ZFYVE26: variants seen among roughly 807,000 people sequenced by gnomAD.
ZFYVE26 encodes zinc finger FYVE domain-containing protein 26.
ZFYVE26 carries 181 observed loss-of-function variants against 276.5 expected under a neutral mutation model. The observed-to-expected ratio is 0.65, with a 90% CI of 0.58 to 0.74. ZFYVE26 has a LOEUF of 0.74. Among genes scored for constraint, ZFYVE26 ranks in the 30% least tolerant of loss-of-function variants. ZFYVE26 has a pLI of 0.00. For missense variants in ZFYVE26, 2,821 were observed against 3,097.9 expected, an observed-to-expected ratio of 0.91 and a Z score of 2.12; for synonymous variants, 1,129 against 1,203.1, an observed-to-expected ratio of 0.94 and a Z score of 1.27.
chr14:67,815,890 C>T lies in ZFYVE26; in HGVS notation c.74G>A (p.Arg25Gln). The T allele has an allele frequency of 1.9e-6, 3 of 1,614,044 alleles. No homozygotes were observed. The highest frequency in any genetic ancestry group is 2.5e-6 in the Non-Finnish European group (3 of 1,179,998). The change falls in exon 2 of 42, where the codon CGG becomes CAG. Residue 25 changes from arginine (R) to glutamine (Q), a missense_variant. Arg to Gln is a conservative substitution (Grantham distance 43). Coordinates refer to ENST00000347230, the MANE Select transcript of ZFYVE26 (RefSeq NM_015346.4). ...CTGTGCCAGCTCCCATTCTCCCCTC[C>T]GCAGGCATTCGCAGAAAAATCCAAA... ...QLFGFFCECL[R>Q]RGEWELAQAC...
chr14:67,793,517 G>C, intron 14 of ZFYVE26, 91 bp downstream of exon 14: 1 of 1,464,288 alleles, frequency 6.8e-7, no homozygotes, highest in Non-Finnish European at 9.3e-7. Flanking sequence ...GTGGACCCCT[G>C]AGTGCTCCCA....
At chr14:67,794,102 C>T (rs1736383882) in intron 13 of ZFYVE26, 69 bp downstream of exon 13, 2 of 1,522,250 alleles carry the variant, frequency 1.3e-6, no homozygotes, top group African/African-American at 1.4e-5. Flanking sequence ...GGCTTTACAC[C>T]ATGGTGTATG....
In ZFYVE26 at chr14:67,813,088, T is replaced by C. The variant is rs566334342; in HGVS notation, c.273+898A>G. Among the ~76,000 whole-genome samples, 15 of 152,354 alleles carry C rather than the reference T, an allele frequency of 9.8e-5. No homozygotes were observed. In the South Asian group the frequency reaches 2.7e-3, roughly 27 times the overall value. On this transcript the variant is annotated intron_variant, in intron 3 of 41. Transcript: ENST00000347230. ...GCTCTGTGAGGAACGATAAATATCA[T>C]GCAAAAGTGGAACCAAAGACAAAAT...
rs770784646 is a variant in ZFYVE26 at position 67,776,118 on chromosome 14, G to A, written c.4975-12C>T. 1.8e-5 allele frequency: 29 copies of A among 1,613,866 alleles called. No homozygotes were observed. In the South Asian group the frequency reaches 2.3e-4, roughly 13 times the overall value. The stretch of plus-strand genomic sequence containing the variant: ...AGGGTCAGCAGAATCTGTTTGTGGG[G>A]TAGATCCATAGAGTAAAGAAAATAG... On this transcript the variant is annotated splice_polypyrimidine_tract_variant and intron_variant, in intron 25 of 41. Transcript: ENST00000347230.
intron 11 of ZFYVE26, 108 bp downstream of exon 11, chr14:67,797,906 T>G: frequency 1.3e-6 from 2 of 1,596,122 alleles, no homozygotes; most frequent in South Asian, 1.1e-5. Context: ...GGTGACGATA[T>G]GCCCTGAGTT....
rs1424264350 is a variant in ZFYVE26 at position 67,729,332 on chromosome 14, A to C, written n.3167T>G. 2 of 1,599,332 alleles carry C rather than the reference A, an allele frequency of 1.3e-6. No individual in the cohort carries two copies. Among genetic ancestry groups the C allele is most frequent in the Admixed American group, 1.7e-5 (1 of 60,014 alleles). ...CGGGAGGGGGCGCAGACCAGCCTGC[A>C]CTGCGCCCTGGCTGAGGGCCTGGAG... On this transcript the variant is annotated non_coding_transcript_exon_variant, in exon 14 of 15. Coordinates refer to the ZFYVE26 transcript ENST00000394455.
In ZFYVE26 at chr14:67,784,439, G is replaced by A. The variant is rs2039596001; in HGVS notation, c.3524-3C>T. ...TCCTACCTTGACCTCCACATGATCTGCAAAGGTAAAGAACATGATCTTTGT... is the reference window on the plus strand; with the variant it reads ...TCCTACCTTGACCTCCACATGATCTACAAAGGTAAAGAACATGATCTTTGT... On this transcript the variant is annotated splice_region_variant and splice_polypyrimidine_tract_variant and intron_variant, in intron 19 of 41. Coordinates refer to ENST00000347230, the MANE Select transcript of ZFYVE26 (RefSeq NM_015346.4). 1.9e-6 allele frequency: 3 copies of A among 1,613,014 alleles called. No homozygotes were observed. Among genetic ancestry groups the A allele is most frequent in the South Asian group, 1.1e-5 (1 of 91,056 alleles).
rs1378176478 is a variant in ZFYVE26 at position 67,802,259 on chromosome 14, C to T, written c.1459G>A (p.Glu487Lys). 1 of 1,614,166 alleles carries T rather than the reference C, an allele frequency of 6.2e-7. No homozygotes were observed. The highest frequency in any genetic ancestry group is 1.7e-5 in the Admixed American group (1 of 60,036). The change falls in exon 10 of 42, where the codon GAG becomes AAG. Residue 487 changes from glutamate to lysine, a missense_variant. Transcript: ENST00000347230. ...EPDAVDAPVP[E>K]HLSQCQNLTL... is the part of the protein sequence containing the mutation. ...AGGTTCTGACACTGGCTCAGGTGCT[C>T]AGGGACTGGAGCATCAACTGCATCT...
intron 13 of ZFYVE26, among the ~76,000 whole-genome samples, chr14:67,740,354 AAT>A (rs1195539350): frequency 6.7e-6 from 1 of 149,372 alleles, no homozygotes; most frequent in East Asian, 2.0e-4. Flanking sequence ...TTATTTAAAA[AAT>A]GTTTTAGATT....
chr14:67,760,801 A>G, intron 35 of ZFYVE26: 1 of 185,510 alleles, frequency 5.4e-6, no homozygotes, highest in Non-Finnish European at 1.1e-5. Context: ...CCAAAGATGT[A>G]ATGTTCTTCA....
Position 67,777,657 on chromosome 14 carries a change from T to C in ZFYVE26, c.4876A>G (p.Thr1626Ala), listed in dbSNP as rs2039381655. The change falls in exon 25 of 42, where the codon ACT becomes GCT. Residue 1626 changes from threonine (T) to alanine (A), a missense_variant. Transcript: ENST00000347230. ...AGGTAGTTGGCCAAGAAGTGAGAAG[T>C]GGCCAAGCTAGTGTGCTGGTCGAGG... Reference protein sequence around the residue: ...QSLDQHTSLATSHFLANYLTT... With the variant: ...QSLDQHTSLAASHFLANYLTT... 1 of 1,613,994 alleles carries C rather than the reference T, an allele frequency of 6.2e-7. No individual in the cohort carries two copies. Among genetic ancestry groups the C allele is most frequent in the African/African-American group, 1.3e-5 (1 of 74,886 alleles).
intron 40 of ZFYVE26, 119 bp from the exon 41 acceptor site, chr14:67,751,215 T>G: frequency 8.5e-7 from 1 of 1,173,860 alleles, no homozygotes; most frequent in South Asian, 1.3e-5. Context: ...CTGCCTGACT[T>G]TTTTTTTCTC....
intron 3 of ZFYVE26, among the ~76,000 whole-genome samples, chr14:67,811,200 T>C (rs2040294054): frequency 6.6e-6 from 1 of 152,208 alleles, no homozygotes; most frequent in African/African-American, 2.4e-5. Flanking sequence ...CTTAATAGCC[T>C]GGCTAAGATT....
At position 67,780,458 on chromosome 14, in the gene ZFYVE26, G is replaced by A. The variant is rs2039469759; in HGVS notation, c.4570-113C>T. On this transcript the variant is annotated intron_variant, in intron 22 of 41. Coordinates refer to ENST00000347230, the MANE Select transcript of ZFYVE26 (RefSeq NM_015346.4). Reference sequence around the variant, plus strand: ...CCCTAGATCTCTGCCCCAAAGTCAGGCTGTCAGAACTTGCCAGAAAAGAGA... The same window carrying A: ...CCCTAGATCTCTGCCCCAAAGTCAGACTGTCAGAACTTGCCAGAAAAGAGA... The A allele has an allele frequency of 6.1e-6, 6 of 978,248 alleles. No individual in the cohort carries two copies. In the Admixed American group the frequency reaches 8.0e-5, roughly 13 times the overall value. 60.6% of individuals were successfully genotyped at this position (978,248 alleles called of 1,614,324 possible). A position where few individuals can be genotyped will look rare whatever the true frequency, so the allele number is the denominator to read the frequency against.
chr14:67,743,319 T>C (rs1472906596), downstream of ZFYVE26, among the ~76,000 whole-genome samples: 1 of 151,872 alleles, frequency 6.6e-6, no homozygotes, highest in African/African-American at 2.4e-5. Flanking sequence ...GAACAAACCC[T>C]GTCTCTACAA....
At chr14:67,743,960 A>G (rs1420126455), downstream of ZFYVE26, among the ~76,000 whole-genome samples, 2 of 152,218 alleles carry the variant, frequency 1.3e-5, no homozygotes, top group Non-Finnish European at 2.9e-5. Context: ...AGAAGAAATA[A>G]CAACATGCAG....
Position 67,762,428 on chromosome 14 carries a change from C to G in ZFYVE26, c.6160-16G>C, listed in dbSNP as rs769062091. 1.9e-6 allele frequency: 3 copies of G among 1,609,726 alleles called. No homozygotes were observed. The East Asian group carries it at 6.7e-5, about 36-fold the overall frequency. On this transcript the variant is annotated splice_polypyrimidine_tract_variant and intron_variant, in intron 33 of 41. Transcript: ENST00000347230. ...TTGTGGAGACCTGGGAGAAAAATTG[C>G]CCCTTTTAGTGAGTGGTAGCTACAT...
chr14:67,816,309 G>T (rs1042735751), intron 1 of ZFYVE26, among the ~76,000 whole-genome samples: 8 of 152,142 alleles, frequency 5.3e-5, no homozygotes, highest in African/African-American at 1.7e-4. Flanking sequence ...CCTACTGAAC[G>T]TTATGCCCAG....
At chr14:67,784,981 A>G (rs1427599460) in intron 19 of ZFYVE26, 78 bp downstream of exon 19, 7 of 1,463,632 alleles carry the variant, frequency 4.8e-6, no homozygotes, top group Admixed American at 3.3e-5. Context: ...GAGCCTTTCA[A>G]TTGTGCATCT....
Sources: allele counts gnomAD v4.1 joint callset (sites outside exome capture counted in the v4.1 genomes callset), GRCh38; gene constraint gnomAD v4.1.1; transcripts MANE v1.5; gene names NCBI Gene and HGNC (gene_info 2026-07-23, HGNC 2026-07-21).